The following PIWIL2 variants were observed in gnomAD, a reference collection of about 807,000 sequenced individuals.
The protein encoded by PIWIL2 is piwi-like protein 2.
A neutral mutation model predicts 116.5 loss-of-function variants in PIWIL2; 81 were observed. The ratio of observed to expected loss-of-function variants is 0.70; its 90% confidence interval spans 0.58 to 0.84. The LOEUF is 0.84. PIWIL2 is among the 40% of genes least tolerant of loss of function. The pLI is 0.00. For missense variants in PIWIL2, 1,272 were observed against 1,212.3 expected, an observed-to-expected ratio of 1.05 and a Z score of -0.73; for synonymous variants, 489 against 429.5, an observed-to-expected ratio of 1.14 and a Z score of -1.71.
rs372922296 is a variant in PIWIL2, at chr8:22,357,159, G to A, written c.*1654G>A. On this transcript the variant is annotated 3_prime_UTR_variant, in exon 23 of 23. Coordinates refer to ENST00000356766, the MANE Select transcript of PIWIL2 (RefSeq NM_018068.5). ...TTAGCATATAGAAAAAAAGAAAAAA[G>A]ATTTCCTTAAAACAAGAAAACCAAG... The A allele has an allele frequency of 1.3e-5, 2 of 152,140 alleles. No individual in the cohort carries two copies. Among genetic ancestry groups the A allele is most frequent in the Non-Finnish European group, 2.9e-5 (2 of 68,022 alleles). The allele number at this position is 152,140 out of a possible 1,614,324, so 9.4% of individuals were successfully genotyped here. A position where few individuals can be genotyped will look rare whatever the true frequency, so the allele number is the denominator to read the frequency against.
In PIWIL2 at chr8:22,316,286, C is replaced by G; in HGVS notation, c.2250C>G (p.Pro750=). Residue 750 remains proline (P), a synonymous_variant, in exon 19 of 23, where the codon CCC becomes CCG. Coordinates refer to ENST00000356766, the MANE Select transcript of PIWIL2 (RefSeq NM_018068.5). ...MVIGMDVYHD[P]SRGMRSVVGF... Reference sequence around the variant, plus strand: ...TCGGGATGGATGTTTACCATGACCCCAGTAGAGGCATGCGCTCCGTGGTTG... The same window carrying G: ...TCGGGATGGATGTTTACCATGACCCGAGTAGAGGCATGCGCTCCGTGGTTG... 6.2e-7 allele frequency: 1 copy of G among 1,613,366 alleles called. No individual in the cohort carries two copies. The highest frequency in any genetic ancestry group is 1.1e-5 in the South Asian group (1 of 91,062).
At chr8:22,288,755 G>A (rs1053794457) in intron 8 of PIWIL2, 89 bp downstream of exon 8, 5 of 1,191,914 alleles carry the variant, frequency 4.2e-6, no homozygotes, top group Admixed American at 2.1e-5. Flanking sequence ...GGAAATACGT[G>A]ACAGTATATT....
intron 20 of PIWIL2, among the ~76,000 whole-genome samples, chr8:22,327,225 TG>T (rs1313943282): frequency 6.6e-6 from 1 of 151,380 alleles, no homozygotes; most frequent in African/African-American, 2.4e-5. Context: ...TTAGTAGAGA[TG>T]GGGTTTCACC....
At chr8:22,293,556 G>A (rs756621309) in intron 10 of PIWIL2, among the ~76,000 whole-genome samples, 10 of 152,060 alleles carry the variant, frequency 6.6e-5, no homozygotes, top group South Asian at 6.2e-4. Flanking sequence ...AACTCCTGCC[G>A]TCAGGTAATC....
At chr8:22,305,901 T>C in intron 12 of PIWIL2, 26 bp from the exon 13 acceptor site, 1 of 1,573,632 alleles carries the variant, frequency 6.4e-7, no homozygotes, top group Non-Finnish European at 8.7e-7. Context: ...ACTGCCTTAT[T>C]TTCCCTCTTC....
At chr8:22,280,823 C>T (rs117911263) in intron 2 of PIWIL2, among the ~76,000 whole-genome samples, 1 of 134,156 alleles carries the variant, frequency 7.5e-6, no homozygotes, top group Admixed American at 7.9e-5. Context: ...GAAAAATTAA[C>T]TCTGTTCTGT....
intron 10 of PIWIL2, among the ~76,000 whole-genome samples, chr8:22,293,888 G>A: frequency 6.6e-6 from 1 of 152,040 alleles, no homozygotes; most frequent in East Asian, 1.9e-4. Context: ...AATTTTCATG[G>A]TGAATGTCAC....
At chr8:22,312,464 C>G (rs910119779) in intron 16 of PIWIL2, among the ~76,000 whole-genome samples, 1 of 152,052 alleles carries the variant, frequency 6.6e-6, no homozygotes, top group Non-Finnish European at 1.5e-5. Flanking sequence ...TAGGGTTTCA[C>G]TATGTTGCCC....
chr8:22,321,361 C>G (rs975115522), intron 20 of PIWIL2, among the ~76,000 whole-genome samples: 3 of 152,136 alleles, frequency 2.0e-5, no homozygotes, highest in African/African-American at 7.2e-5. Flanking sequence ...GATCCTCCCA[C>G]CTCAGCTTCC....
At chr8:22,343,972 A>G (rs1353575414) in intron 20 of PIWIL2, among the ~76,000 whole-genome samples, 2 of 152,230 alleles carry the variant, frequency 1.3e-5, no homozygotes, top group Non-Finnish European at 2.9e-5. Flanking sequence ...TACTGCCAGA[A>G]CTTGGAAACA....
chr8:22,338,445 C>A (rs192139814), intron 20 of PIWIL2, among the ~76,000 whole-genome samples: 1 of 152,096 alleles, frequency 6.6e-6, no homozygotes, highest in African/African-American at 2.4e-5. Context: ...AATCTTAGCA[C>A]TTTAGAAGAC....
At chr8:22,312,967 A>G (rs1001709026) in intron 16 of PIWIL2, among the ~76,000 whole-genome samples, 2 of 152,066 alleles carry the variant, frequency 1.3e-5, no homozygotes, top group Admixed American at 1.3e-4. Flanking sequence ...TTCCATCCTG[A>G]TCTACCATGC....
intron 20 of PIWIL2, among the ~76,000 whole-genome samples, chr8:22,337,891 C>T (rs1036683335): frequency 1.3e-5 from 2 of 151,872 alleles, no homozygotes; most frequent in South Asian, 2.1e-4. Context: ...GGCTGGAGTT[C>T]GAGACCAGCC....
intron 6 of PIWIL2, 42 bp downstream of exon 6, chr8:22,284,314 C>A: frequency 2.9e-6 from 3 of 1,041,438 alleles, no homozygotes; most frequent in South Asian, 1.4e-5. Context: ...TCTTAAAGGG[C>A]AGTAAAAAAA....
chr8:22,352,752 G>A, intron 20 of PIWIL2: 1 of 496,886 alleles, frequency 2.0e-6, no homozygotes. Context: ...TAACACCTTT[G>A]CTGCACCAGG....
intron 1 of PIWIL2, 112 bp downstream of exon 1, chr8:22,275,510 C>T (rs1322244693): frequency 6.6e-6 from 1 of 152,288 alleles, no homozygotes; most frequent in African/African-American, 2.4e-5. Flanking sequence ...GGGCCTCTCC[C>T]CTCCCACTTC....
chr8:22,314,462 G>A, intron 17 of PIWIL2, 33 bp downstream of exon 17: 3 of 1,156,906 alleles, frequency 2.6e-6, no homozygotes, highest in Non-Finnish European at 3.7e-6. Flanking sequence ...GGCGCAGATG[G>A]CACCTCTCGC....
intron 6 of PIWIL2, among the ~76,000 whole-genome samples, chr8:22,286,431 TG>T (rs1344815389): frequency 6.6e-6 from 1 of 151,978 alleles, no homozygotes; most frequent in Non-Finnish European, 1.5e-5. Flanking sequence ...GCCAGAAAAG[TG>T]GGGGAAATTG....
intron 20 of PIWIL2, among the ~76,000 whole-genome samples, chr8:22,320,324 C>T (rs1396802671): frequency 1.5e-5 from 2 of 134,462 alleles, no homozygotes; most frequent in Admixed American, 9.1e-5. Context: ...AGTACAGTGG[C>T]GCAATCTCAG....
Sources: gnomAD v4.1 joint callset for allele counts (sites outside exome capture counted in the v4.1 genomes callset) on GRCh38, gnomAD v4.1.1 for gene constraint, MANE v1.5 for transcripts, NCBI Gene and HGNC (gene_info 2026-07-23, HGNC 2026-07-21) for gene names.